The following PAPLN variants were observed in gnomAD, a reference collection of about 807,000 sequenced individuals.
The protein encoded by PAPLN is papilin, proteoglycan like sulfated glycoprotein, also known as papilin.
A neutral mutation model predicts 159.0 loss-of-function variants in PAPLN; 146 were observed. The ratio of observed to expected loss-of-function variants is 0.92; its 90% CI spans 0.80 to 1.05. The LOEUF (loss-of-function observed/expected upper bound fraction) is 1.05. Among genes scored for constraint, PAPLN ranks in the 50% least tolerant of loss-of-function variants. The pLI is 0.00. For synonymous variants in PAPLN, 734 were observed against 702.9 expected, an observed-to-expected ratio of 1.04 and a Z score of -0.70; for missense variants, 1,720 against 1,743.9, an observed-to-expected ratio of 0.99 and a Z score of 0.24.
chr14:73,248,106 T>TGTGTGTGTGTGTGTGC (rs139626596), intron 5 of PAPLN, among the ~76,000 whole-genome samples: 1 of 78,482 alleles, frequency 1.3e-5, no homozygotes, highest in Non-Finnish European at 2.3e-5. Context: ...TGTGTGTGTG[T>TGTGTGTGTGTGTGTGC]GCGCGTGTGT....
intron 14 of PAPLN, among the ~76,000 whole-genome samples, chr14:73,258,367 G>A (rs1430422569): frequency 1.3e-5 from 2 of 151,924 alleles, no homozygotes; most frequent in Admixed American, 6.6e-5. Flanking sequence ...CTTTTTAATT[G>A]GATTGTTTGC....
In PAPLN at chr14:73,266,737, T is replaced by C. The variant is rs1322526441; in HGVS notation, c.3406T>C (p.Ser1136Pro). The C allele has an allele frequency of 6.2e-7, 1 of 1,614,044 alleles. No homozygotes were observed. The highest frequency in any genetic ancestry group is 2.2e-5 in the East Asian group (1 of 44,882). ...CTTGTGCCCAGGGGAGCTGACAATC[T>C]CAGGACTGCCCCCTACTGTGACAGT... is the stretch of plus-strand genomic sequence containing the variant. Reference protein sequence around the residue: ...QLRVLGELTISGLPPTVTVPE... With the variant: ...QLRVLGELTIPGLPPTVTVPE... Residue 1136 changes from serine to proline, a missense_variant, in exon 25 of 27, where the codon TCA becomes CCA. Ser to Pro is a moderately conservative substitution (Grantham distance 74). Coordinates refer to ENST00000644200, the MANE Select transcript of PAPLN (RefSeq NM_001365906.3).
At chr14:73,249,097 T>C (rs184122563) in intron 5 of PAPLN, among the ~76,000 whole-genome samples, 1 of 152,224 alleles carries the variant, frequency 6.6e-6, no homozygotes, top group African/African-American at 2.4e-5. Context: ...TGCCTCTGCA[T>C]TCCAGCCTGG....
At position 73,262,727 on chromosome 14, in the gene PAPLN, T is replaced by C. The variant is rs762966349; in HGVS notation, c.2623T>C (p.Phe875Leu). Residue 875 changes from phenylalanine (F) to leucine (L), a missense_variant, in exon 19 of 27, where the codon TTT becomes CTT. Phe to Leu is a conservative substitution (Grantham distance 22). Coordinates refer to ENST00000644200, the MANE Select transcript of PAPLN (RefSeq NM_001365906.3). ...AGGGGAGGCCCCCCACACCCAGGCCTTTGGAGAATGGCCATGGGGGCAGGA... is the reference window on the plus strand; with the variant it reads ...AGGGGAGGCCCCCCACACCCAGGCCCTTGGAGAATGGCCATGGGGGCAGGA... ...GPGEAPHTQA[F>L]GEWPWGQELG... is the part of the protein sequence containing the mutation. 1 of 1,511,586 alleles carries C rather than the reference T, an allele frequency of 6.6e-7. No homozygotes were observed. Among genetic ancestry groups the C allele is most frequent in the Non-Finnish European group, 8.8e-7 (1 of 1,133,648 alleles). 93.6% of individuals were successfully genotyped at this position (1,511,586 alleles called of 1,614,324 possible). A position where few individuals can be genotyped will look rare whatever the true frequency, so the allele number is the denominator to read the frequency against.
chr14:73,245,861 G>A lies in PAPLN; in HGVS notation c.231+165G>A. ...TGCGTGGGGGCCCCTTCCTCACCCT[G>A]CTCCCGGGGACTGGCCTTGCCCTCC... On this transcript the variant is annotated intron_variant, in intron 4 of 26. Coordinates refer to ENST00000644200, the MANE Select transcript of PAPLN (RefSeq NM_001365906.3). This position sits in a 1 kb window ranked among gnomAD's most constrained non-coding sequence, Gnocchi z 4.2. 1 of 976,802 alleles carries A rather than the reference G, an allele frequency of 1.0e-6. No homozygotes were observed. The highest frequency in any genetic ancestry group is 1.5e-6 in the Non-Finnish European group (1 of 670,382). The allele number at this position is 976,802 out of a possible 1,614,324, so 60.5% of individuals were successfully genotyped here.
rs1277896438 is a variant in PAPLN at position 73,265,885 on chromosome 14, G to GT, written c.3263+382dup. Among the ~76,000 whole-genome samples, 1 of 152,186 alleles carries GT rather than the reference G, an allele frequency of 6.6e-6. No individual in the cohort carries two copies. The highest frequency in any genetic ancestry group is 2.4e-5 in the African/African-American group (1 of 41,438). On this transcript the variant is annotated intron_variant, in intron 23 of 26. Coordinates refer to ENST00000644200, the MANE Select transcript of PAPLN (RefSeq NM_001365906.3). The surrounding 1 kb of genome is among the most constrained non-coding windows in gnomAD (Gnocchi z 4.1). ...AAAAAAGCCATATTGAGCAGGTGCT[G>GT]TTTTCCCCCCATTTTACACACAGAA...
intron 2 of PAPLN, among the ~76,000 whole-genome samples, chr14:73,242,042 G>A (rs992958628): frequency 1.5e-4 from 23 of 152,360 alleles, no homozygotes; most frequent in Admixed American, 3.9e-4. Context: ...CCGGCTTCAC[G>A]CCATGTCGGG....
rs149505596 is a variant in PAPLN, at chr14:73,265,446, G to A, written c.3202G>A (p.Glu1068Lys). The A allele has an allele frequency of 3.7e-4, 595 of 1,613,554 alleles. 1 individual carries two copies. The African/African-American group carries it at 6.3e-3, about 17-fold the overall frequency. ...GCGGATCCGGATGACCTGCCGTGCC[G>A]AAGGCTTCCCGCCCCCAGCCATCGA... ...GQRIRMTCRA[E>K]GFPPPAIEWQ... Residue 1068 changes from glutamate to lysine, a missense_variant, in exon 23 of 27, where the codon GAA (glutamate) becomes AAA (lysine). By Grantham distance (56) the Glu-to-Lys change is moderately conservative. Coordinates refer to ENST00000644200, the MANE Select transcript of PAPLN (RefSeq NM_001365906.3). The surrounding 1 kb of genome is among the most constrained non-coding windows in gnomAD (Gnocchi z 4.1).
At chr14:73,253,307 G>A (rs1566686232) in intron 11 of PAPLN, 3 of 1,244,536 alleles carry the variant, frequency 2.4e-6, no homozygotes, top group Middle Eastern at 2.2e-4. Context: ...GGCCTCCTGG[G>A]ATGGTGGCGG....
At position 73,268,567 on chromosome 14, in the gene PAPLN, C is replaced by A. The variant is rs1887433121; in HGVS notation, c.3511C>A (p.Pro1171Thr). 1 of 1,612,194 alleles carries A rather than the reference C, an allele frequency of 6.2e-7. No individual in the cohort carries two copies. The highest frequency in any genetic ancestry group is 1.3e-5 in the African/African-American group (1 of 74,856). ...TCCTCTCTCCTCCAGGAACGGGCTA[C>A]CTGTGCAGGCTGATGGCCACCGTGT... ...VNIRWSRNGLPVQADGHRVHQ... is the reference protein window; with the variant it reads ...VNIRWSRNGLTVQADGHRVHQ... Residue 1171 changes from proline to threonine, a missense_variant, in exon 26 of 27, where the codon CCT (proline) becomes ACT (threonine). Transcript: ENST00000644200.
chr14:73,258,948 C>T (rs751901080), intron 14 of PAPLN, 31 bp from the exon 15 acceptor site: 14 of 1,580,792 alleles, frequency 8.9e-6, no homozygotes, highest in Admixed American at 5.3e-5. Context: ...CCTCCCTCTC[C>T]GTCCCACATG....
intron 22 of PAPLN, among the ~76,000 whole-genome samples, chr14:73,264,961 G>A (rs1887069068): frequency 6.6e-6 from 1 of 152,264 alleles, no homozygotes; most frequent in Non-Finnish European, 1.5e-5. Flanking sequence ...GAAGGGAAGG[G>A]CACACACAGC....
At chr14:73,237,743 T>C (rs1883118923) in intron 1 of PAPLN, among the ~76,000 whole-genome samples, 151 bp downstream of exon 1, 1 of 151,996 alleles carries the variant, frequency 6.6e-6, no homozygotes, top group East Asian at 1.9e-4. Flanking sequence ...CCCGGCTCGC[T>C]CTCCGGAGGT....
intron 2 of PAPLN, among the ~76,000 whole-genome samples, chr14:73,242,287 C>G (rs1329644984): frequency 6.6e-6 from 1 of 152,212 alleles, no homozygotes; most frequent in Non-Finnish European, 1.5e-5. Flanking sequence ...CAGGCCAGTC[C>G]TGCCCCTGCC....
In PAPLN at chr14:73,246,281, A is replaced by T. The variant is rs527418454; in HGVS notation, c.334+106A>T. ...AGGCGTTGTCATATATATATATATT[A>T]GAGACAGTCTCACTGTGTTGCCCAG... On this transcript the variant is annotated intron_variant, in intron 5 of 26. Transcript: ENST00000644200. 2.5e-5 allele frequency: 24 copies of T among 952,972 alleles called. 1 individual carries two copies. In the South Asian group the frequency reaches 4.5e-4, roughly 18 times the overall value. 59.0% of individuals were successfully genotyped at this position (952,972 alleles called of 1,614,324 possible). A position where few individuals can be genotyped will look rare whatever the true frequency, so the allele number is the denominator to read the frequency against.
At chr14:73,253,220 G>A (rs1297610435) in intron 11 of PAPLN, 11 of 1,359,168 alleles carry the variant, frequency 8.1e-6, no homozygotes, top group Non-Finnish European at 1.1e-5. Flanking sequence ...CGAGTGTGTG[G>A]GAACAGGTAA....
chr14:73,252,144 G>T lies in PAPLN; in HGVS notation c.967+3G>T. Reference sequence around the variant, plus strand: ...CTGCAGCGCGGAGTGTGGCGGAGGTGCGGGCGTGGATGGCCCAGGGGAGGG... The same window carrying T: ...CTGCAGCGCGGAGTGTGGCGGAGGTTCGGGCGTGGATGGCCCAGGGGAGGG... On this transcript the variant is annotated splice_donor_region_variant and intron_variant, in intron 10 of 26. Transcript: ENST00000644200. 1 of 1,596,212 alleles carries T rather than the reference G, an allele frequency of 6.3e-7. No individual in the cohort carries two copies. The highest frequency in any genetic ancestry group is 8.5e-7 in the Non-Finnish European group (1 of 1,171,304).
intron 5 of PAPLN, among the ~76,000 whole-genome samples, chr14:73,247,243 A>G (rs1884507570): frequency 6.6e-6 from 1 of 152,194 alleles, no homozygotes; most frequent in Non-Finnish European, 1.5e-5. Flanking sequence ...TGCACCTCTG[A>G]GGAGGGTATA....
Position 73,239,823 on chromosome 14 carries a change from C to A in PAPLN, c.45C>A (p.Pro15=). 3 of 1,590,610 alleles carry A rather than the reference C, an allele frequency of 1.9e-6. No homozygotes were observed. Among genetic ancestry groups the A allele is most frequent in the South Asian group, 2.3e-5 (2 of 88,684 alleles). The part of the protein sequence containing the change: ...LLVPLLLAPA[P]GSSAPKVRRQ... ...TGCCGCTGCTGCTGGCTCCAGCGCC[C>A]GGGTCCTCGGTGAGTGCGGTCCTGC... Residue 15 remains proline (P), a synonymous_variant, in exon 2 of 27, where the codon CCC becomes CCA. Transcript: ENST00000644200.
Sources: allele counts gnomAD v4.1 joint callset (sites outside exome capture counted in the v4.1 genomes callset), GRCh38; gene constraint gnomAD v4.1.1; non-coding constraint Gnocchi (gnomAD v3.1); transcripts MANE v1.5; gene names NCBI Gene and HGNC (gene_info 2026-07-23, HGNC 2026-07-21).